Variants in CLSTN2 observed in about 807,000 individuals in gnomAD.
CLSTN2 encodes calsyntenin-2.
CLSTN2 carries 48 observed loss-of-function variants against 101.2 expected under a neutral mutation model. The ratio of observed to expected loss-of-function variants is 0.47; its 90% CI spans 0.38 to 0.60. The LOEUF (loss-of-function observed/expected upper bound fraction) is 0.60, where lower values mean the gene tolerates loss of function less well. Among genes scored for constraint, CLSTN2 ranks in the 20% least tolerant of loss-of-function variants. The probability of loss-of-function intolerance (pLI) is 0.00; values close to 1 mark genes in which losing one functional copy is unlikely to be tolerated. For missense variants in CLSTN2, 1,160 were observed against 1,238.2 expected, an observed-to-expected ratio of 0.94 and a Z score of 0.95; for synonymous variants, 481 against 463.6, an observed-to-expected ratio of 1.04 and a Z score of -0.48.
chr3:140,262,327 A>G (rs1167445545), intron 2 of CLSTN2, among the ~76,000 whole-genome samples: 2 of 152,228 alleles, frequency 1.3e-5, no homozygotes, highest in African/African-American at 2.4e-5. Context: ...GCCAGTCAGC[A>G]TGGCTTTCAA....
At chr3:139,947,381 T>C (rs1280859708) in intron 1 of CLSTN2, among the ~76,000 whole-genome samples, 22 of 152,220 alleles carry the variant, frequency 1.4e-4, no homozygotes, top group Admixed American at 1.4e-3. Flanking sequence ...CAAATTGCCC[T>C]AGCTTCTCTC....
At chr3:140,072,151 CAA>C (rs2008408598) in intron 1 of CLSTN2, among the ~76,000 whole-genome samples, 1 of 151,538 alleles carries the variant, frequency 6.6e-6, no homozygotes, top group African/African-American at 2.4e-5. Context: ...CTCAAACACA[CAA>C]AGATACTTGG....
At chr3:139,966,676 A>C (rs142683083) in intron 1 of CLSTN2, among the ~76,000 whole-genome samples, 26 of 152,198 alleles carry the variant, frequency 1.7e-4, no homozygotes, top group African/African-American at 5.8e-4. Flanking sequence ...TGACTTATTT[A>C]TTTTTGTGTC....
intron 1 of CLSTN2, among the ~76,000 whole-genome samples, chr3:140,076,628 T>G (rs1329730996): frequency 1.9e-5 from 1 of 53,082 alleles, no homozygotes; most frequent in African/African-American, 5.7e-5. Context: ...CAGCAGTGTT[T>G]TTTTTTTTTT....
chr3:140,390,345 T>C (rs2088099466), intron 2 of CLSTN2, among the ~76,000 whole-genome samples: 3 of 152,202 alleles, frequency 2.0e-5, no homozygotes, highest in African/African-American at 7.2e-5. Context: ...TCATTTTTCT[T>C]TTAATTTTTC....
intron 1 of CLSTN2, among the ~76,000 whole-genome samples, chr3:140,004,114 G>A (rs1000001013): frequency 5.3e-5 from 8 of 152,148 alleles, no homozygotes; most frequent in Admixed American, 1.3e-4. Context: ...TAAAAAATAT[G>A]CACTCATATT....
intron 1 of CLSTN2, among the ~76,000 whole-genome samples, chr3:140,006,754 G>T (rs555228946): frequency 6.6e-6 from 1 of 152,048 alleles, no homozygotes; most frequent in Non-Finnish European, 1.5e-5. Context: ...TGAGAGTATT[G>T]CAAGGGTTAT....
intron 1 of CLSTN2, among the ~76,000 whole-genome samples, chr3:140,020,499 T>C (rs1404324477): frequency 6.6e-6 from 1 of 152,218 alleles, no homozygotes; most frequent in Non-Finnish European, 1.5e-5. Flanking sequence ...AACAGCCATG[T>C]TATTGCCAGT....
intron 8 of CLSTN2, among the ~76,000 whole-genome samples, chr3:140,483,319 A>G (rs1472554946): frequency 6.6e-6 from 1 of 151,982 alleles, no homozygotes; most frequent in Non-Finnish European, 1.5e-5. Context: ...AGTTTGTTAT[A>G]ATTTCTGTTC....
chr3:140,418,989 A>G (rs1026134761), intron 4 of CLSTN2, among the ~76,000 whole-genome samples: 5 of 151,790 alleles, frequency 3.3e-5, no homozygotes, highest in Non-Finnish European at 5.9e-5. Flanking sequence ...TGGCCTGGGT[A>G]CCAATACTCT....
intron 1 of CLSTN2, among the ~76,000 whole-genome samples, chr3:140,068,102 A>AG (rs2107775658): frequency 6.6e-6 from 1 of 152,346 alleles, no homozygotes; most frequent in Non-Finnish European, 1.5e-5. Flanking sequence ...AAGGCAGCAA[A>AG]GAGGCTGCTC....
intron 2 of CLSTN2, among the ~76,000 whole-genome samples, chr3:140,381,295 T>C (rs1413331895): frequency 6.6e-6 from 1 of 152,204 alleles, no homozygotes; most frequent in African/African-American, 2.4e-5. Flanking sequence ...GAGCCCACCC[T>C]AGTGACTTCA....
chr3:140,231,333 T>A (rs1034768500), intron 2 of CLSTN2, among the ~76,000 whole-genome samples: 6 of 151,652 alleles, frequency 4.0e-5, no homozygotes, highest in Non-Finnish European at 8.8e-5. Flanking sequence ...AAATCCCAAC[T>A]CTCTAAGTTA....
At chr3:140,049,659 G>A (rs7622196) in intron 1 of CLSTN2, among the ~76,000 whole-genome samples, 2,414 of 152,172 alleles carry the variant, frequency 0.016, 63 homozygotes, top group African/African-American at 0.053. Flanking sequence ...TTTTGACCAC[G>A]TTGCTTCAAG....
intron 4 of CLSTN2, among the ~76,000 whole-genome samples, chr3:140,420,069 T>C (rs570812107): frequency 6.6e-6 from 1 of 151,496 alleles, no homozygotes; most frequent in East Asian, 2.0e-4. Flanking sequence ...ATTTTTGTTT[T>C]TTTAAATAGA....
intron 1 of CLSTN2, among the ~76,000 whole-genome samples, chr3:139,936,708 G>A (rs1271836571): frequency 6.6e-6 from 1 of 152,206 alleles, no homozygotes; most frequent in African/African-American, 2.4e-5. Flanking sequence ...CAGGCAGTTC[G>A]CCTTGTCTGG....
At chr3:140,132,989 T>TA (rs1415021473) in intron 1 of CLSTN2, among the ~76,000 whole-genome samples, 3 of 152,192 alleles carry the variant, frequency 2.0e-5, no homozygotes, top group Non-Finnish European at 4.4e-5. Flanking sequence ...TATAAAGGAA[T>TA]ACCCAAGACT....
intron 2 of CLSTN2, among the ~76,000 whole-genome samples, chr3:140,240,346 C>A (rs2086456700): frequency 1.4e-5 from 2 of 138,508 alleles, no homozygotes; most frequent in Admixed American, 7.7e-5. Flanking sequence ...ATATAAAATA[C>A]TACCATATAG....
At chr3:140,103,859 A>C (rs889402858) in intron 1 of CLSTN2, among the ~76,000 whole-genome samples, 1 of 152,250 alleles carries the variant, frequency 6.6e-6, no homozygotes, top group Non-Finnish European at 1.5e-5. Context: ...CACATAAAAA[A>C]GGGATTTGCA....
Sources: allele counts gnomAD v4.1 joint callset (sites outside exome capture counted in the v4.1 genomes callset), GRCh38; gene constraint gnomAD v4.1.1; transcripts MANE v1.5; gene names NCBI Gene and HGNC (gene_info 2026-07-23, HGNC 2026-07-21).